The following CPAP variants were observed in gnomAD, a reference collection of about 807,000 sequenced individuals.
CPAP encodes centrosome assembly and centriole elongation protein.
At chr13:24,885,531 C>A in the CPAP span, 1 of 1,278,730 alleles carries the variant, frequency 7.8e-7, no homozygotes, top group Non-Finnish European at 1.1e-6. Context: ...GGTTTAGAAA[C>A]GTTAAGTCTA....
chr13:24,912,081 CA>C, the CPAP span: 1 of 1,610,722 alleles, frequency 6.2e-7, no homozygotes, highest in Non-Finnish European at 8.5e-7. Context: ...TTTTTAAATA[CA>C]AAATTAACTT....
the CPAP span, chr13:24,910,159 C>T: frequency 7.3e-7 from 1 of 1,375,424 alleles, no homozygotes; most frequent in Non-Finnish European, 1.0e-6. Flanking sequence ...GTAGTGACCC[C>T]CACCCCACAA....
At chr13:24,899,753 T>C in the CPAP span, among the ~76,000 whole-genome samples, 1,429 of 152,244 alleles carry the variant, frequency 9.4e-3, 26 homozygotes, top group African/African-American at 0.033. Context: ...TAAGCATTCA[T>C]TGGGTGCCTA....
At chr13:24,887,453 T>C in the CPAP span, among the ~76,000 whole-genome samples, 152,257 of 152,262 alleles carry the variant, frequency 1, 76,126 homozygotes, top group Non-Finnish European at 1. Flanking sequence ...AGATCAGCAG[T>C]GGCATTAGAT....
At chr13:24,890,225 A>G in the CPAP span, among the ~76,000 whole-genome samples, 2 of 152,218 alleles carry the variant, frequency 1.3e-5, no homozygotes, top group Non-Finnish European at 2.9e-5. Context: ...CTATGGCAAA[A>G]TGTTCCTAGT....
At chr13:24,908,146 C>A in the CPAP span, 5 of 1,526,170 alleles carry the variant, frequency 3.3e-6, no homozygotes, top group Non-Finnish European at 4.5e-6. Flanking sequence ...AAATTAAGAA[C>A]AATTTAGCTC....
the CPAP span, chr13:24,911,823 G>C: frequency 8.4e-7 from 1 of 1,186,276 alleles, no homozygotes; most frequent in African/African-American, 1.5e-5. Flanking sequence ...CACATTTATC[G>C]GGCTAGCCTT....
At chr13:24,907,384 C>T in the CPAP span, among the ~76,000 whole-genome samples, 482 of 152,328 alleles carry the variant, frequency 3.2e-3, 4 homozygotes, top group Admixed American at 4.0e-3. Context: ...ATACAACACT[C>T]TTCACATGAC....
the CPAP span, chr13:24,883,361 T>C: frequency 1.9e-6 from 3 of 1,600,314 alleles, no homozygotes; most frequent in Non-Finnish European, 2.6e-6. Context: ...TATGAGTTTG[T>C]TGCCATCACT....
chr13:24,908,068 CT>C, the CPAP span: 1 of 1,613,076 alleles, frequency 6.2e-7, no homozygotes. Flanking sequence ...TTTGTAAGTT[CT>C]TATCATTTGC....
chr13:24,910,219 T>C, the CPAP span: 3 of 857,642 alleles, frequency 3.5e-6, no homozygotes, highest in Non-Finnish European at 5.7e-6. Flanking sequence ...TAGGAAATGG[T>C]GTTTAACAAA....
the CPAP span, chr13:24,892,707 T>C: frequency 6.2e-7 from 1 of 1,614,156 alleles, no homozygotes; most frequent in South Asian, 1.1e-5. Context: ...CTTCCAGGCA[T>C]CCAGTCGGAA....
chr13:24,917,021 C>T, the CPAP span, among the ~76,000 whole-genome samples: 3 of 152,276 alleles, frequency 2.0e-5, no homozygotes, highest in East Asian at 1.9e-4. Context: ...GAGACCAAGA[C>T]GGGAGGATCA....
chr13:24,914,326 C>T, the CPAP span, among the ~76,000 whole-genome samples: 107 of 152,244 alleles, frequency 7.0e-4, no homozygotes, highest in African/African-American at 2.5e-3. Context: ...AGTTCTCAAA[C>T]CCCATCACCA....
At chr13:24,925,477 G>A in the CPAP span, among the ~76,000 whole-genome samples, 1 of 152,184 alleles carries the variant, frequency 6.6e-6, no homozygotes, top group African/African-American at 2.4e-5. Context: ...AGGTATGATG[G>A]TGTGCACCTG....
the CPAP span, among the ~76,000 whole-genome samples, chr13:24,923,597 T>C: frequency 6.6e-6 from 1 of 152,200 alleles, no homozygotes; most frequent in Non-Finnish European, 1.5e-5. Flanking sequence ...ACCACAGTAC[T>C]ACATACCTGG....
chr13:24,906,439 G>A, the CPAP span: 1 of 1,613,996 alleles, frequency 6.2e-7, no homozygotes, highest in African/African-American at 1.3e-5. Flanking sequence ...CCAGCCGGCT[G>A]GCCGGCCCTG....
the CPAP span, chr13:24,889,381 T>G: frequency 1.9e-6 from 3 of 1,609,922 alleles, no homozygotes; most frequent in Non-Finnish European, 2.5e-6. Context: ...CTGACTGTTT[T>G]GAAATCGAAC....
the CPAP span, chr13:24,912,658 T>A: frequency 2.5e-6 from 4 of 1,613,646 alleles, no homozygotes; most frequent in Non-Finnish European, 2.5e-6. Context: ...GATGAAGTCA[T>A]TTTTGTTTTC....
Sources: allele counts gnomAD v4.1 joint callset (sites outside exome capture counted in the v4.1 genomes callset), GRCh38; gene constraint gnomAD v4.1.1; transcripts MANE v1.5; gene names NCBI Gene and HGNC (gene_info 2026-07-23, HGNC 2026-07-21).